The following PRIM2 variants were observed in gnomAD, a reference collection of about 807,000 sequenced individuals.
The protein encoded by PRIM2 is DNA primase subunit 2.
A neutral mutation model predicts 67.3 loss-of-function variants in PRIM2; 39 were observed. The observed-to-expected ratio is 0.58, with a 90% CI of 0.45 to 0.76. The LOEUF (loss-of-function observed/expected upper bound fraction) is 0.76. PRIM2 is among the 30% of genes least tolerant of loss of function. The probability of loss-of-function intolerance (pLI) is 0.00; values close to 1 mark genes in which losing one functional copy is unlikely to be tolerated. For missense variants in PRIM2, 398 were observed against 598.7 expected, an observed-to-expected ratio of 0.66 and a Z score of 3.50; for synonymous variants, 143 against 198.7, an observed-to-expected ratio of 0.72 and a Z score of 2.36.
chr6:57,362,211 T>TA (rs947079445), intron 5 of PRIM2, among the ~76,000 whole-genome samples: 24 of 152,104 alleles, frequency 1.6e-4, no homozygotes, highest in Non-Finnish European at 2.4e-4. Flanking sequence ...TCACACCAGG[T>TA]AAAAAAATAG....
intron 12 of PRIM2, among the ~76,000 whole-genome samples, chr6:57,608,417 C>A (rs2127493521): frequency 6.6e-6 from 1 of 152,184 alleles, no homozygotes; most frequent in Non-Finnish European, 1.5e-5. Flanking sequence ...TAATGAAAGA[C>A]AGTAAATAAC....
intron 5 of PRIM2, among the ~76,000 whole-genome samples, chr6:57,371,668 T>A (rs1769561928): frequency 6.6e-6 from 1 of 152,206 alleles, no homozygotes; most frequent in Admixed American, 6.5e-5. Flanking sequence ...ACTGGGAAAA[T>A]TTGAAATATA....
At chr6:57,222,118 G>C in the PRIM2 span, 1 of 152,304 alleles carries the variant, frequency 6.6e-6, no homozygotes, top group Non-Finnish European at 1.5e-5. Context: ...CGACGCGCCA[G>C]CTCTCCCTGC....
rs1270480039 is a variant in PRIM2 at position 57,410,330 on chromosome 6, T to C, written c.693+28162T>C. On this transcript the variant is annotated intron_variant, in intron 7 of 13. Coordinates refer to ENST00000615550, the MANE Select transcript of PRIM2 (RefSeq NM_000947.5). ...CTGGGTGACAGAGTGAAACGCCATC[T>C]CAAAAAAAAAAAAAAAAAAGAAAGA... 6.8e-5 allele frequency among the ~76,000 whole-genome samples: 3 copies of C among 43,994 alleles called. 1 individual carries two copies. The Admixed American group carries it at 7.2e-4, about 11-fold the overall frequency. 28.9% of individuals were successfully genotyped at this position (43,994 alleles called of 152,430 possible). A position where few individuals can be genotyped will look rare whatever the true frequency, so the allele number is the denominator to read the frequency against.
chr6:57,307,150 G>T, the PRIM2 span, among the ~76,000 whole-genome samples: 1 of 151,798 alleles, frequency 6.6e-6, no homozygotes, highest in African/African-American at 2.4e-5. Context: ...AGTGAGCCGA[G>T]ATCAAGATTG....
chr6:57,450,854 C>T (rs1772521162), intron 7 of PRIM2, among the ~76,000 whole-genome samples: 2 of 152,150 alleles, frequency 1.3e-5, no homozygotes, highest in South Asian at 2.1e-4. Flanking sequence ...CTTTATACTT[C>T]ATTCAGTTCA....
chr6:57,523,372 C>G (rs1354522441), intron 8 of PRIM2, among the ~76,000 whole-genome samples: 2 of 152,240 alleles, frequency 1.3e-5, no homozygotes, highest in Admixed American at 6.5e-5. Context: ...CTCTTAATCA[C>G]GCTTCTCTAT....
chr6:57,424,966 T>A (rs1297851633), intron 7 of PRIM2, among the ~76,000 whole-genome samples: 1 of 152,170 alleles, frequency 6.6e-6, no homozygotes, highest in African/African-American at 2.4e-5. Flanking sequence ...AGTGTTCCCT[T>A]AAGTGTAGGA....
chr6:57,576,788 T>C (rs1440369982), intron 10 of PRIM2, among the ~76,000 whole-genome samples: 1 of 129,866 alleles, frequency 7.7e-6, no homozygotes, highest in Non-Finnish European at 1.6e-5. Flanking sequence ...ATGTTGCAAA[T>C]TGCAAGGAAA....
chr6:57,316,423 G>T (rs932441593), upstream of PRIM2, among the ~76,000 whole-genome samples: 39 of 152,294 alleles, frequency 2.6e-4, 1 homozygote, highest in Admixed American at 1.6e-3. Context: ...GGTATTGGTG[G>T]TGGGTCGGGG....
At chr6:57,562,988 G>A (rs1472450313) in intron 10 of PRIM2, among the ~76,000 whole-genome samples, 1 of 152,130 alleles carries the variant, frequency 6.6e-6, no homozygotes, top group Non-Finnish European at 1.5e-5. Context: ...CAGAGAGTAC[G>A]AGGGCCACTG....
chr6:57,605,123 A>C (rs1179025298), intron 11 of PRIM2, among the ~76,000 whole-genome samples: 1 of 152,216 alleles, frequency 6.6e-6, no homozygotes, highest in African/African-American at 2.4e-5. Flanking sequence ...AATAAAGCCT[A>C]TTTGATCATG....
rs566690206 is a variant in PRIM2, at chr6:57,388,303, G to A, written c.693+6135G>A. 1.7e-3 allele frequency among the ~76,000 whole-genome samples: 259 copies of A among 152,298 alleles called. 3 individuals are homozygous for A. Among genetic ancestry groups the A allele is most frequent in the Non-Finnish European group, 9.3e-4 (63 of 68,020 alleles). On this transcript the variant is annotated intron_variant, in intron 7 of 13. Coordinates refer to ENST00000615550, the MANE Select transcript of PRIM2 (RefSeq NM_000947.5). ...GATAAAAAAGGAATGGAAGCGGGAGGACTAGTCTGGAAGTTTTCACATTAA... is the reference window on the plus strand; with the variant it reads ...GATAAAAAAGGAATGGAAGCGGGAGAACTAGTCTGGAAGTTTTCACATTAA...
the PRIM2 span, among the ~76,000 whole-genome samples, chr6:57,270,517 G>A: frequency 6.6e-6 from 1 of 150,678 alleles, no homozygotes. Flanking sequence ...TCAGCTTAAG[G>A]AGATTTTGGG....
the PRIM2 span, among the ~76,000 whole-genome samples, chr6:57,279,025 C>T: frequency 1.3e-5 from 2 of 152,166 alleles, no homozygotes; most frequent in South Asian, 2.1e-4. Context: ...ACTAGGAGTA[C>T]AGTCTCTGAA....
intron 7 of PRIM2, among the ~76,000 whole-genome samples, chr6:57,454,061 T>C (rs1178990876): frequency 2.0e-5 from 3 of 152,222 alleles, no homozygotes; most frequent in Non-Finnish European, 4.4e-5. Flanking sequence ...GTTTTTGTCT[T>C]TGGTTCCGTT....
At chr6:57,633,551 A>G (rs1211050354) in intron 13 of PRIM2, among the ~76,000 whole-genome samples, 2 of 152,196 alleles carry the variant, frequency 1.3e-5, no homozygotes, top group Non-Finnish European at 2.9e-5. Context: ...AATATTACCA[A>G]TAATAATTGA....
intron 5 of PRIM2, chr6:57,326,258 C>A: frequency 4.4e-6 from 2 of 454,280 alleles, no homozygotes; most frequent in Non-Finnish European, 7.5e-6. Context: ...CACTTACTTG[C>A]TCTGTTAAAT....
chr6:57,622,344 G>A (rs1305691699), intron 12 of PRIM2, among the ~76,000 whole-genome samples: 3 of 152,148 alleles, frequency 2.0e-5, no homozygotes, highest in African/African-American at 7.2e-5. Flanking sequence ...TCATATTTCT[G>A]TTGAGAGCAC....
Sources: gnomAD v4.1 joint callset for allele counts (sites outside exome capture counted in the v4.1 genomes callset) on GRCh38, gnomAD v4.1.1 for gene constraint, MANE v1.5 for transcripts, NCBI Gene and HGNC (gene_info 2026-07-23, HGNC 2026-07-21) for gene names.